SERGEF: variants seen among roughly 807,000 people sequenced by gnomAD.
SERGEF encodes secretion-regulating guanine nucleotide exchange factor.
In SERGEF, 51 loss-of-function variants were observed where a neutral mutation model predicts 50.0. The observed-to-expected ratio is 1.02, with a 90% CI of 0.81 to 1.29. The LOEUF is 1.29. SERGEF is among the 50% of genes most tolerant of loss of function. SERGEF has a pLI of 0.00. For synonymous variants in SERGEF, 205 were observed against 212.4 expected (o/e 0.97, Z 0.30); for missense variants, 521 against 557.0 (o/e 0.94, Z 0.65).
intron 9 of SERGEF, among the ~76,000 whole-genome samples, chr11:17,924,250 G>A (rs371589): frequency 0.49 from 74,813 of 152,060 alleles, 19,183 homozygotes; most frequent in African/African-American, 0.64. Flanking sequence ...ATTACTCTGA[G>A]AGCAGAAAGG....
chr11:17,956,660 T>G (rs527710148), intron 9 of SERGEF, among the ~76,000 whole-genome samples: 1 of 152,106 alleles, frequency 6.6e-6, no homozygotes, highest in East Asian at 1.9e-4. Flanking sequence ...GACCCTTCTT[T>G]GCAGACATCC....
intron 8 of SERGEF, among the ~76,000 whole-genome samples, chr11:17,967,679 G>A (rs924746226): frequency 2.6e-5 from 4 of 152,212 alleles, no homozygotes; most frequent in African/African-American, 9.7e-5. Context: ...CCAGGCTAGG[G>A]AAGAGCATGG....
intron 10 of SERGEF, among the ~76,000 whole-genome samples, chr11:17,808,429 G>C (rs928966933): frequency 6.6e-6 from 1 of 152,126 alleles, no homozygotes; most frequent in African/African-American, 2.4e-5. Flanking sequence ...AGGGGGAAGT[G>C]CCATGCGCTT....
At chr11:17,939,611 C>T (rs1852524129) in intron 9 of SERGEF, 1 of 152,238 alleles carries the variant, frequency 6.6e-6, no homozygotes. Context: ...AGTATGCTTC[C>T]TCTGGATCAC....
At chr11:17,865,922 C>A (rs1306371631) in intron 10 of SERGEF, among the ~76,000 whole-genome samples, 1 of 152,170 alleles carries the variant, frequency 6.6e-6, no homozygotes, top group Non-Finnish European at 1.5e-5. Context: ...ACTCATCACT[C>A]ACTCACTGAC....
intron 8 of SERGEF, among the ~76,000 whole-genome samples, chr11:17,965,743 T>C (rs1322236892): frequency 6.6e-6 from 1 of 152,146 alleles, no homozygotes; most frequent in Non-Finnish European, 1.5e-5. Flanking sequence ...GCTGCCTGAA[T>C]GAACAATAGA....
chr11:17,979,747 C>T (rs1853454901), intron 8 of SERGEF, among the ~76,000 whole-genome samples: 1 of 152,148 alleles, frequency 6.6e-6, no homozygotes, highest in Non-Finnish European at 1.5e-5. Context: ...CATTGTGTGA[C>T]TTTAACTAGG....
At chr11:17,894,284 AGAG>A (rs1851583338) in intron 9 of SERGEF, among the ~76,000 whole-genome samples, 3 of 152,164 alleles carry the variant, frequency 2.0e-5, no homozygotes, top group Admixed American at 2.0e-4. Context: ...AAGGAAGGAG[AGAG>A]GAGAAGAAGA....
chr11:18,005,607 T>A (rs887685807), intron 3 of SERGEF, among the ~76,000 whole-genome samples: 2 of 152,156 alleles, frequency 1.3e-5, no homozygotes, highest in African/African-American at 4.8e-5. Context: ...CAAAGGACCG[T>A]GGCAAAGAGG....
intron 4 of SERGEF, among the ~76,000 whole-genome samples, chr11:18,003,403 A>G (rs762596562): frequency 1.3e-4 from 20 of 152,256 alleles, no homozygotes; most frequent in East Asian, 3.8e-4. Flanking sequence ...GTTTTGTCCA[A>G]TATGGTAGCC....
At position 17,988,751 on chromosome 11, in the gene SERGEF, T is replaced by C; in HGVS notation, c.690A>G (p.Ala230=). ...TGCTTCCCCAAACATACACCTCTCC[T>C]GCATCTTAAACAAACAGAAGGGTAA... ...GSDHSASLTD[A]GEVYVWGSNK... is the part of the protein sequence containing the mutation. Residue 230 remains alanine (A), a synonymous_variant, in exon 8 of 11, where the codon GCA becomes GCG. Transcript: ENST00000265965. 1.2e-6 allele frequency: 2 copies of C among 1,613,712 alleles called. No homozygotes were observed. The highest frequency in any genetic ancestry group is 1.7e-6 in the Non-Finnish European group (2 of 1,179,780).
At chr11:17,809,361 C>A (rs1184471921) in intron 10 of SERGEF, among the ~76,000 whole-genome samples, 1 of 152,160 alleles carries the variant, frequency 6.6e-6, no homozygotes, top group Non-Finnish European at 1.5e-5. Flanking sequence ...CTCAAAAAGC[C>A]TGACTAAAGA....
intron 6 of SERGEF, among the ~76,000 whole-genome samples, chr11:17,993,817 G>C (rs1028265928): frequency 5.9e-5 from 9 of 152,078 alleles, no homozygotes. Flanking sequence ...GAACAGCCCG[G>C]GTTCCAGCTC....
chr11:17,885,310 A>G (rs1851408935), intron 9 of SERGEF, among the ~76,000 whole-genome samples: 1 of 152,076 alleles, frequency 6.6e-6, no homozygotes, highest in South Asian at 2.1e-4. Context: ...TCTCACCATA[A>G]TATCATGATC....
chr11:17,933,363 T>C (rs988663201), intron 9 of SERGEF, among the ~76,000 whole-genome samples: 4 of 152,176 alleles, frequency 2.6e-5, no homozygotes, highest in Non-Finnish European at 5.9e-5. Flanking sequence ...ATTGATTGAT[T>C]AATGTCATCT....
At chr11:17,794,298 G>GA (rs1273126140) in intron 10 of SERGEF, among the ~76,000 whole-genome samples, 1 of 152,190 alleles carries the variant, frequency 6.6e-6, no homozygotes, top group African/African-American at 2.4e-5. Context: ...CTGTCACTGG[G>GA]AATGTGGATG....
chr11:17,978,127 C>G (rs1853416623), intron 8 of SERGEF, among the ~76,000 whole-genome samples: 1 of 152,142 alleles, frequency 6.6e-6, no homozygotes, highest in Non-Finnish European at 1.5e-5. Flanking sequence ...AGCCTCAATC[C>G]TCACCTAGAA....
At chr11:17,861,227 C>G (rs532791835) in intron 10 of SERGEF, among the ~76,000 whole-genome samples, 11 of 152,334 alleles carry the variant, frequency 7.2e-5, no homozygotes, top group African/African-American at 2.2e-4. Flanking sequence ...GAAACAGAAA[C>G]AGACATTCTG....
At chr11:17,829,083 A>G (rs1051321252) in intron 10 of SERGEF, among the ~76,000 whole-genome samples, 20 of 152,226 alleles carry the variant, frequency 1.3e-4, no homozygotes, top group African/African-American at 4.8e-4. Context: ...AGTGTTTTCC[A>G]GTTAATATGG....
Sources: gnomAD v4.1 joint callset for allele counts (sites outside exome capture counted in the v4.1 genomes callset) on GRCh38, gnomAD v4.1.1 for gene constraint, MANE v1.5 for transcripts, NCBI Gene and HGNC (gene_info 2026-07-23, HGNC 2026-07-21) for gene names.